The following TCEA1 variants were observed in gnomAD, a reference collection of about 807,000 sequenced individuals.
TCEA1 encodes the protein transcription elongation factor A1.
In TCEA1, 21 loss-of-function variants were observed where a neutral mutation model predicts 43.8. The observed-to-expected ratio is 0.48, with a 90% CI of 0.34 to 0.69. The LOEUF (loss-of-function observed/expected upper bound fraction) is 0.69. Among genes scored for constraint, TCEA1 ranks in the 30% least tolerant of loss-of-function variants. The pLI is 0.01. For synonymous variants in TCEA1, 104 were observed against 117.5 expected, an observed-to-expected ratio of 0.88 and a Z score of 0.75; for missense variants, 250 against 365.1, an observed-to-expected ratio of 0.68 and a Z score of 2.57.
Position 53,988,134 on chromosome 8 carries a change from G to A in TCEA1, c.446C>T (p.Ala149Val), listed in dbSNP as rs765767710. Residue 149 changes from alanine (A) to valine (V), a missense_variant, in exon 5 of 10, where the codon GCT (alanine) becomes GTT (valine). Physicochemically the swap from Ala to Val is moderately conservative, Grantham distance 64. Around this residue, in one of 4 missense-constraint regions of TCEA1, gnomAD observed 147 missense variants for 160.3 expected, o/e 0.92. Coordinates refer to ENST00000521604, the MANE Select transcript of TCEA1 (RefSeq NM_006756.4). The stretch of plus-strand genomic sequence containing the variant: ...CTTACCCCCTGTTCGAAGAGCTGCA[G>A]CAAGCATCTCCCTACACTTCAACCG... ...SVRLKCREMLAAALRTGDDYI... is the reference protein window; with the variant it reads ...SVRLKCREMLVAALRTGDDYI... 7.4e-6 allele frequency: 12 copies of A among 1,611,734 alleles called. No homozygotes were observed. The highest frequency in any genetic ancestry group is 1.0e-5 in the Non-Finnish European group (12 of 1,179,452).
At chr8:53,999,579 T>G (rs941860958) in intron 3 of TCEA1, 1 of 200,596 alleles carries the variant, frequency 5.0e-6, no homozygotes, top group Non-Finnish European at 9.9e-6. Flanking sequence ...ATATTAAAAA[T>G]TGATGATATG....
intron 8 of TCEA1, among the ~76,000 whole-genome samples, chr8:53,977,233 C>A (rs1034866630): frequency 6.6e-6 from 1 of 152,036 alleles, no homozygotes; most frequent in Non-Finnish European, 1.5e-5. Context: ...GGCAGGAGAA[C>A]GGCGTGAACC....
intron 4 of TCEA1, among the ~76,000 whole-genome samples, chr8:53,993,127 A>ATTT (rs11306062): frequency 5.9e-4 from 50 of 84,172 alleles, no homozygotes; most frequent in African/African-American, 2.0e-3. Flanking sequence ...TACATGGCTA[A>ATTT]TTTTTTTTTT....
chr8:53,968,198 G>T, intron 9 of TCEA1, 86 bp from the exon 10 acceptor site: 2 of 1,048,166 alleles, frequency 1.9e-6, no homozygotes, highest in Non-Finnish European at 2.7e-6. Context: ...ACCTGATATT[G>T]CTTTTAAAAA....
intron 2 of TCEA1, chr8:54,003,099 G>GT (rs1268065382): frequency 2.2e-6 from 1 of 456,010 alleles, no homozygotes; most frequent in Non-Finnish European, 4.4e-6. Flanking sequence ...AAATCTTAAG[G>GT]TAAAAAACAT....
chr8:54,006,069 A>C (rs114142654), intron 2 of TCEA1, among the ~76,000 whole-genome samples: 1 of 152,274 alleles, frequency 6.6e-6, no homozygotes, highest in East Asian at 1.9e-4. Context: ...TCTGAGATGT[A>C]GTTTCAGCTT....
At chr8:53,984,620 A>G in intron 6 of TCEA1, 103 bp from the exon 7 acceptor site, 2 of 968,336 alleles carry the variant, frequency 2.1e-6, no homozygotes, top group Non-Finnish European at 2.9e-6. Context: ...ACGGTGGCTC[A>G]TGCCTGTAAT....
intron 3 of TCEA1, among the ~76,000 whole-genome samples, chr8:53,997,604 A>C (rs1804101050): frequency 6.6e-6 from 1 of 152,234 alleles, no homozygotes; most frequent in Admixed American, 6.5e-5. Context: ...ATGCTATTAA[A>C]AACAAAGGAG....
chr8:53,980,661 G>A (rs1048916026), intron 7 of TCEA1, among the ~76,000 whole-genome samples: 5 of 152,046 alleles, frequency 3.3e-5, no homozygotes, highest in Admixed American at 6.6e-5. Flanking sequence ...CTCTTTCCCC[G>A]TCTCTCTTCC....
rs936251196 is a variant in TCEA1 at position 54,022,419 on chromosome 8, C to T, written c.-294G>A. The stretch of plus-strand genomic sequence containing the variant: ...GCCCATGTTCCCGCCAGGCGGGCGT[C>T]GGGCTAGTGGGCAGGCGTGGCTTCC... On this transcript the variant is annotated 5_prime_UTR_variant, in exon 1 of 10. Coordinates refer to ENST00000521604, the MANE Select transcript of TCEA1 (RefSeq NM_006756.4). 1.1e-5 allele frequency: 5 copies of T among 472,818 alleles called. No individual in the cohort carries two copies. Among genetic ancestry groups the T allele is most frequent in the Non-Finnish European group, 1.9e-5 (5 of 266,062 alleles). The allele number at this position is 472,818 out of a possible 1,614,324, so 29.3% of individuals were successfully genotyped here.
At chr8:54,014,081 A>G (rs776474027) in intron 1 of TCEA1, among the ~76,000 whole-genome samples, 92 of 152,332 alleles carry the variant, frequency 6.0e-4, no homozygotes, top group African/African-American at 2.2e-3. Context: ...TTAATCATCT[A>G]TTTCAAACCC....
chr8:54,010,400 A>C (rs759535537), intron 2 of TCEA1, 30 bp downstream of exon 2: 2 of 1,558,028 alleles, frequency 1.3e-6, no homozygotes, highest in Admixed American at 2.0e-5. Flanking sequence ...ACTACCTATT[A>C]AAAAAACTTT....
intron 1 of TCEA1, among the ~76,000 whole-genome samples, chr8:54,019,387 C>T (rs1401085430): frequency 2.6e-5 from 4 of 151,748 alleles, no homozygotes; most frequent in South Asian, 4.2e-4. Flanking sequence ...CTGGCCAATA[C>T]GTTGAAATCC....
intron 5 of TCEA1, 106 bp from the exon 6 acceptor site, chr8:53,987,131 G>A: frequency 1.1e-6 from 1 of 941,786 alleles, no homozygotes; most frequent in Non-Finnish European, 1.6e-6. Context: ...CCATTTGCCT[G>A]ACATAAAGAA....
Position 53,996,101 on chromosome 8 carries a change from A to G in TCEA1, c.233-2346T>C, listed in dbSNP as rs555494613. 4.6e-5 allele frequency among the ~76,000 whole-genome samples: 7 copies of G among 152,382 alleles called. No individual in the cohort carries two copies. In the South Asian group the frequency reaches 1.4e-3, roughly 32 times the overall value. On this transcript the variant is annotated intron_variant, in intron 3 of 9. Coordinates refer to ENST00000521604, the MANE Select transcript of TCEA1 (RefSeq NM_006756.4). ...AAGGGAAAACTGATATAACAATGAAATATGATCCAGCAAGGATCCAATGCT... is the reference window on the plus strand; with the variant it reads ...AAGGGAAAACTGATATAACAATGAAGTATGATCCAGCAAGGATCCAATGCT...
intron 6 of TCEA1, among the ~76,000 whole-genome samples, chr8:53,984,727 C>CA (rs2129302540): frequency 6.6e-6 from 1 of 151,832 alleles, no homozygotes; most frequent in South Asian, 2.1e-4. Context: ...ATTAAAAACA[C>CA]AAAAAATTAA....
At chr8:53,981,195 T>C (rs1325447069) in intron 7 of TCEA1, among the ~76,000 whole-genome samples, 5 of 152,248 alleles carry the variant, frequency 3.3e-5, no homozygotes, top group Non-Finnish European at 7.3e-5. Context: ...CAGCAAGTGC[T>C]GATGGAGAAG....
chr8:53,988,878 G>A (rs1803777439), intron 4 of TCEA1, among the ~76,000 whole-genome samples: 1 of 152,132 alleles, frequency 6.6e-6, no homozygotes, highest in Non-Finnish European at 1.5e-5. Flanking sequence ...AATCCAGCCT[G>A]GGCAAAATGG....
At chr8:54,020,989 A>G (rs1240125712) in intron 1 of TCEA1, among the ~76,000 whole-genome samples, 1 of 152,122 alleles carries the variant, frequency 6.6e-6, no homozygotes, top group Non-Finnish European at 1.5e-5. Context: ...GGAGTTCGAG[A>G]CCAGCCTGGT....
Sources: gnomAD v4.1 joint callset for allele counts (sites outside exome capture counted in the v4.1 genomes callset) on GRCh38, gnomAD v4.1.1 for gene constraint, gnomAD v4.1.1 regional missense constraint, MANE v1.5 for transcripts, NCBI Gene and HGNC (gene_info 2026-07-23, HGNC 2026-07-21) for gene names.